EYS: variants seen among roughly 807,000 people sequenced by gnomAD.
The protein encoded by EYS is EGF-like photoreceptor maintenance factor.
Under a neutral mutation model 282.1 loss-of-function variants are expected in EYS, and 250 were observed. The ratio of observed to expected loss-of-function variants is 0.89; its 90% CI spans 0.80 to 0.98. The LOEUF is 0.98. Among genes scored for constraint, EYS ranks in the 50% least tolerant of loss-of-function variants. The pLI is 0.00. For missense variants in EYS, 4,016 were observed against 3,709.0 expected (o/e 1.08, Z -2.15); for synonymous variants, 1,355 against 1,282.9 (o/e 1.06, Z -1.20).
intron 8 of EYS, among the ~76,000 whole-genome samples, chr6:65,368,325 C>T (rs1562127032): frequency 6.6e-6 from 1 of 151,590 alleles, no homozygotes; most frequent in Non-Finnish European, 1.5e-5. Context: ...TATTAAGATA[C>T]TGGTAAATTT....
At chr6:64,675,778 C>T (rs1769639327) in intron 22 of EYS, among the ~76,000 whole-genome samples, 1 of 151,842 alleles carries the variant, frequency 6.6e-6, no homozygotes, top group African/African-American at 2.4e-5. Flanking sequence ...TTAATTACAG[C>T]TTTCTCTACC....
In EYS at chr6:65,443,364, A is replaced by C. The variant is rs574410154; in HGVS notation, c.863-37997T>G. Among the ~76,000 whole-genome samples the C allele has an allele frequency of 1.9e-4, 27 of 143,402 alleles. 2 individuals are homozygous for C. The highest frequency in any genetic ancestry group is 5.8e-4 in the African/African-American group (24 of 41,296). The allele number at this position is 143,402 out of a possible 152,430, so 94.1% of individuals were successfully genotyped here. A position where few individuals can be genotyped will look rare whatever the true frequency, so the allele number is the denominator to read the frequency against. On this transcript the variant is annotated intron_variant, in intron 5 of 42. Coordinates refer to ENST00000503581, the MANE Select transcript of EYS (RefSeq NM_001142800.2). ...TACACATATAGACATATATGCATACATGTATGTACACATATAGACATATAT... is the reference window on the plus strand; with the variant it reads ...TACACATATAGACATATATGCATACCTGTATGTACACATATAGACATATAT...
chr6:63,924,205 C>A (rs1764650612), intron 35 of EYS, among the ~76,000 whole-genome samples: 1 of 152,148 alleles, frequency 6.6e-6, no homozygotes, highest in African/African-American at 2.4e-5. Flanking sequence ...GCTACAGTTT[C>A]TAAAATGTGA....
At chr6:64,296,596 ATATTTTT>A (rs1769032845) in intron 30 of EYS, among the ~76,000 whole-genome samples, 3 of 6,156 alleles carry the variant, frequency 4.9e-4, no homozygotes, top group African/African-American at 1.1e-3. Flanking sequence ...ATATATATAT[ATATTTTT>A]TTTTTTTTTT....
At chr6:64,735,379 G>A (rs761392308) in intron 22 of EYS, among the ~76,000 whole-genome samples, 5 of 152,074 alleles carry the variant, frequency 3.3e-5, no homozygotes, top group South Asian at 2.1e-4. Context: ...CACCGTGCCC[G>A]GCCAGTTTTC....
At chr6:63,848,554 G>A (rs111518231) in intron 36 of EYS, among the ~76,000 whole-genome samples, 4,589 of 151,854 alleles carry the variant, frequency 0.03, 102 homozygotes, top group Non-Finnish European at 0.044. Context: ...GCAGGGTGGG[G>A]TGCCCCTCAC....
intron 30 of EYS, among the ~76,000 whole-genome samples, chr6:64,306,041 A>G (rs1213695474): frequency 1.3e-5 from 2 of 152,268 alleles, no homozygotes; most frequent in East Asian, 3.9e-4. Flanking sequence ...CAAAGAAACA[A>G]TCCAATTCGA....
intron 5 of EYS, among the ~76,000 whole-genome samples, chr6:65,425,634 T>C (rs764748830): frequency 5.3e-5 from 8 of 152,162 alleles, no homozygotes; most frequent in Non-Finnish European, 1.0e-4. Flanking sequence ...CTTCTTCTTA[T>C]GAGGTTATCC....
At chr6:65,482,751 T>A (rs183645468) in intron 5 of EYS, among the ~76,000 whole-genome samples, 8 of 152,350 alleles carry the variant, frequency 5.3e-5, no homozygotes, top group Admixed American at 1.3e-4. Flanking sequence ...GAAGTTACCA[T>A]CATTGAATGC....
At chr6:63,848,451 C>G (rs537958788) in intron 36 of EYS, among the ~76,000 whole-genome samples, 2 of 151,960 alleles carry the variant, frequency 1.3e-5, no homozygotes, top group South Asian at 4.1e-4. Flanking sequence ...ACGGAGAAGG[C>G]GGGTGATATT....
intron 19 of EYS, among the ~76,000 whole-genome samples, chr6:64,878,131 G>T (rs935700526): frequency 1.3e-5 from 2 of 152,070 alleles, no homozygotes; most frequent in Admixed American, 6.6e-5. Flanking sequence ...TACTTGGGAG[G>T]CTGAGGCAGG....
chr6:64,218,772 C>T (rs1051021756), intron 31 of EYS, among the ~76,000 whole-genome samples: 8 of 152,026 alleles, frequency 5.3e-5, no homozygotes, highest in Non-Finnish European at 7.4e-5. Context: ...CTGGAGTAGC[C>T]GGCAAAGTTA....
At chr6:64,710,184 T>C (rs141245844) in intron 22 of EYS, among the ~76,000 whole-genome samples, 55 of 152,374 alleles carry the variant, frequency 3.6e-4, no homozygotes, top group Non-Finnish European at 7.1e-4. Context: ...AATTAAGTAA[T>C]TTGTCTAAGG....
chr6:64,135,299 T>C (rs1774123026), intron 31 of EYS, among the ~76,000 whole-genome samples: 2 of 151,998 alleles, frequency 1.3e-5, no homozygotes, highest in Non-Finnish European at 2.9e-5. Context: ...CAGAAAGTGA[T>C]TATAAACAAA....
chr6:65,706,271 C>A (rs945332803), intron 1 of EYS, among the ~76,000 whole-genome samples: 2 of 151,450 alleles, frequency 1.3e-5, no homozygotes, highest in Non-Finnish European at 2.9e-5. Context: ...ATAACATTAA[C>A]CTTTAAGGTA....
intron 35 of EYS, among the ~76,000 whole-genome samples, chr6:63,974,533 G>A (rs1250457830): frequency 6.6e-6 from 1 of 151,986 alleles, no homozygotes; most frequent in Admixed American, 6.6e-5. Context: ...GGGTAAATGA[G>A]TTCTCCATGT....
chr6:65,694,724 A>G (rs1769377106), intron 1 of EYS, among the ~76,000 whole-genome samples: 1 of 142,518 alleles, frequency 7.0e-6, no homozygotes, highest in Admixed American at 7.5e-5. Flanking sequence ...GAGGTAAACC[A>G]TTGGCTTGTT....
chr6:64,259,725 T>G (rs1767522961), intron 30 of EYS, among the ~76,000 whole-genome samples: 2 of 151,846 alleles, frequency 1.3e-5, no homozygotes, highest in Non-Finnish European at 2.9e-5. Flanking sequence ...GAGTTCAATT[T>G]CTCTATCCTA....
intron 12 of EYS, among the ~76,000 whole-genome samples, chr6:65,256,268 T>C (rs1445617390): frequency 1.4e-5 from 2 of 139,612 alleles, no homozygotes; most frequent in Admixed American, 7.3e-5. Context: ...ACTTCTTTTT[T>C]TTTTTCTTTT....
Sources: gnomAD v4.1 joint callset for allele counts (sites outside exome capture counted in the v4.1 genomes callset) on GRCh38, gnomAD v4.1.1 for gene constraint, MANE v1.5 for transcripts, NCBI Gene and HGNC (gene_info 2026-07-23, HGNC 2026-07-21) for gene names.